CPNE5: variants seen among roughly 807,000 people sequenced by gnomAD.
CPNE5 encodes the protein copine 5, also known as copine-5.
In CPNE5, 42 loss-of-function variants were observed where a neutral mutation model predicts 81.1. The ratio of observed to expected loss-of-function variants is 0.52; its 90% CI spans 0.40 to 0.67. The LOEUF is 0.67. Among genes scored for constraint, CPNE5 ranks in the 30% least tolerant of loss-of-function variants. The pLI, the probability that CPNE5 is intolerant of heterozygous loss-of-function variation, is 0.00. For missense variants in CPNE5, 612 were observed against 815.5 expected (o/e 0.75, Z 3.04); for synonymous variants, 313 against 321.5 (o/e 0.97, Z 0.28).
chr6:36,745,653 G>C (rs1235580026), intron 16 of CPNE5, 138 bp from the exon 17 acceptor site: 3 of 941,866 alleles, frequency 3.2e-6, no homozygotes, highest in African/African-American at 1.7e-5. Context: ...GGCGGGGCAG[G>C]GGAGGGAGCT....
chr6:36,788,688 G>A (rs535060071), intron 8 of CPNE5, among the ~76,000 whole-genome samples: 1 of 152,148 alleles, frequency 6.6e-6, no homozygotes, highest in South Asian at 2.1e-4. Context: ...TTTTACTGCT[G>A]AGCAGAATTG....
At chr6:36,790,786 G>A (rs1175370487) in intron 8 of CPNE5, among the ~76,000 whole-genome samples, 2 of 151,892 alleles carry the variant, frequency 1.3e-5, no homozygotes, top group Non-Finnish European at 2.9e-5. Context: ...CTCGTGATCC[G>A]CCCGCCTCGG....
chr6:36,764,371 G>T (rs1766355261), intron 11 of CPNE5, among the ~76,000 whole-genome samples: 1 of 152,058 alleles, frequency 6.6e-6, no homozygotes, highest in African/African-American at 2.4e-5. Flanking sequence ...TCAGGGGAAG[G>T]AGAGTTCCTT....
chr6:36,806,442 G>T lies in CPNE5; in HGVS notation c.184-6372C>A, dbSNP rs139747880. Among the ~76,000 whole-genome samples, 805 of 152,210 alleles carry T rather than the reference G, an allele frequency of 5.3e-3. 9 individuals carry two copies. Among genetic ancestry groups the T allele is most frequent in the Middle Eastern group, 0.014 (4 of 294 alleles). ...CCAGGACCACAGACCCCACCAGGCA[G>T]GCCCTCCACCTCCCACTCAGAGAGC... On this transcript the variant is annotated intron_variant, in intron 3 of 20. Transcript: ENST00000244751.
intron 10 of CPNE5, among the ~76,000 whole-genome samples, chr6:36,767,254 A>C (rs958599128): frequency 6.6e-6 from 1 of 152,196 alleles, no homozygotes; most frequent in African/African-American, 2.4e-5. Context: ...TGCCTGGCCA[A>C]ATCAGTGGCA....
chr6:36,787,433 T>C (rs1768662575), intron 8 of CPNE5, among the ~76,000 whole-genome samples: 1 of 151,982 alleles, frequency 6.6e-6, no homozygotes, highest in South Asian at 2.1e-4. Context: ...TGGACCAATA[T>C]TCCCCAGGTA....
intron 3 of CPNE5, among the ~76,000 whole-genome samples, chr6:36,819,899 C>T (rs1277701777): frequency 1.3e-5 from 2 of 152,240 alleles, no homozygotes; most frequent in Non-Finnish European, 2.9e-5. Flanking sequence ...TCCCCTCTCC[C>T]CCCATTCTGG....
rs541355502 is a variant in CPNE5 at position 36,808,602 on chromosome 6, AC to A, written c.184-8533del. 1.6e-4 allele frequency among the ~76,000 whole-genome samples: 25 copies of A among 151,866 alleles called. No homozygotes were observed. The South Asian group carries it at 4.4e-3, about 27-fold the overall frequency. On this transcript the variant is annotated intron_variant, in intron 3 of 20. Coordinates refer to ENST00000244751, the MANE Select transcript of CPNE5 (RefSeq NM_020939.2). ...GTGTTGCTTACGATCTGCCTGAGAC[AC>A]CCCCTGAGAGGGTGTACCTCCCTGT... is the stretch of plus-strand genomic sequence containing the variant.
chr6:36,837,434 C>T (rs140261753), intron 1 of CPNE5, among the ~76,000 whole-genome samples: 3 of 152,332 alleles, frequency 2.0e-5, no homozygotes, highest in Non-Finnish European at 4.4e-5. Context: ...CCTTTCCTCT[C>T]CACTGGAGTA....
At chr6:36,780,163 CTG>C (rs1767911873) in intron 8 of CPNE5, among the ~76,000 whole-genome samples, 1 of 152,118 alleles carries the variant, frequency 6.6e-6, no homozygotes, top group African/African-American at 2.4e-5. Flanking sequence ...TGGGGTTTCA[CTG>C]TGTTAGCCAA....
chr6:36,813,741 T>C (rs1771302044), intron 3 of CPNE5, among the ~76,000 whole-genome samples: 1 of 152,172 alleles, frequency 6.6e-6, no homozygotes, highest in South Asian at 2.1e-4. Context: ...CCTCAGGGCC[T>C]TTGCACTTGC....
chr6:36,803,742 C>A (rs572373747), intron 3 of CPNE5, among the ~76,000 whole-genome samples: 1 of 152,284 alleles, frequency 6.6e-6, no homozygotes, highest in South Asian at 2.1e-4. Flanking sequence ...AAATATTTGT[C>A]ACGCTAATTT....
chr6:36,747,996 C>T lies in CPNE5; in HGVS notation c.1018+225G>A, dbSNP rs3213536. 9.0e-3 allele frequency among the ~76,000 whole-genome samples: 1,378 copies of T among 152,308 alleles called. 8 individuals carry two copies. The highest frequency in any genetic ancestry group is 0.016 in the Admixed American group (239 of 15,302). The stretch of plus-strand genomic sequence containing the variant: ...TCCCCCAGGGAGACTGGGTGTTCCT[C>T]AAGGACAAGGCTGTGGCTCAGAGCC... On this transcript the variant is annotated intron_variant, in intron 15 of 20. Coordinates refer to ENST00000244751, the MANE Select transcript of CPNE5 (RefSeq NM_020939.2).
At chr6:36,756,093 G>GGC in intron 13 of CPNE5, 152 bp downstream of exon 13, 1 of 595,830 alleles carries the variant, frequency 1.7e-6, no homozygotes, top group African/African-American at 1.9e-5. Context: ...TGCTCCATCT[G>GGC]CCCCACCCCT....
chr6:36,817,414 G>A (rs1289748072), intron 3 of CPNE5, among the ~76,000 whole-genome samples: 1 of 152,188 alleles, frequency 6.6e-6, no homozygotes, highest in Non-Finnish European at 1.5e-5. Flanking sequence ...CACTCCTGGA[G>A]TCTGGGCACG....
In CPNE5 at chr6:36,839,224, G is replaced by A; in HGVS notation, c.95+59C>T. ...GGAGGTTTAGGATCGAAGCGGCAGG[G>A]GCCGCGGGGCTCTGCGTCCAGGGCC... On this transcript the variant is annotated intron_variant, in intron 1 of 20. Coordinates refer to ENST00000244751, the MANE Select transcript of CPNE5 (RefSeq NM_020939.2). This position sits in a 1 kb window ranked among gnomAD's most constrained non-coding sequence, Gnocchi z 7.3. The A allele has an allele frequency of 7.7e-7, 1 of 1,302,550 alleles. No individual in the cohort carries two copies. The highest frequency in any genetic ancestry group is 1.1e-6 in the Non-Finnish European group (1 of 951,360). The allele number at this position is 1,302,550 out of a possible 1,614,324, so 80.7% of individuals were successfully genotyped here. A position where few individuals can be genotyped will look rare whatever the true frequency, so the allele number is the denominator to read the frequency against.
chr6:36,803,550 C>T (rs969009582), intron 3 of CPNE5, among the ~76,000 whole-genome samples: 1 of 152,186 alleles, frequency 6.6e-6, no homozygotes, highest in Non-Finnish European at 1.5e-5. Context: ...GTTTATTGAA[C>T]ACATGCAATG....
At chr6:36,756,199 C>A in intron 13 of CPNE5, 46 bp downstream of exon 13, 4 of 1,537,642 alleles carry the variant, frequency 2.6e-6, no homozygotes, top group Non-Finnish European at 3.6e-6. Context: ...TAGCTTGGGG[C>A]TCAGAATGTC....
intron 3 of CPNE5, among the ~76,000 whole-genome samples, chr6:36,811,858 C>G (rs748428704): frequency 2.0e-5 from 3 of 152,124 alleles, no homozygotes; most frequent in Non-Finnish European, 4.4e-5. Flanking sequence ...AATCCCAGCA[C>G]TTTGGGAGGC....
Sources: allele counts gnomAD v4.1 joint callset (sites outside exome capture counted in the v4.1 genomes callset), GRCh38; gene constraint gnomAD v4.1.1; non-coding constraint Gnocchi (gnomAD v3.1); transcripts MANE v1.5; gene names NCBI Gene and HGNC (gene_info 2026-07-23, HGNC 2026-07-21).